Variants in ASAP1 observed in about 807,000 individuals in gnomAD.
The protein encoded by ASAP1 is ArfGAP with SH3 domain, ankyrin repeat and PH domain 1.
In ASAP1, 43 loss-of-function variants were observed where a neutral mutation model predicts 145.2. The observed-to-expected ratio is 0.30, with a 90% confidence interval of 0.23 to 0.38. ASAP1 has a LOEUF of 0.38. Among genes scored for constraint, ASAP1 ranks in the 10% least tolerant of loss-of-function variants. The pLI, the probability that ASAP1 is intolerant of heterozygous loss-of-function variation, is 1.00. For missense variants in ASAP1, 1,018 were observed against 1,355.3 expected (o/e 0.75, Z 3.91); for synonymous variants, 546 against 515.5 (o/e 1.06, Z -0.80).
At chr8:130,129,457 T>C (rs1368704510) in intron 15 of ASAP1, among the ~76,000 whole-genome samples, 2 of 152,220 alleles carry the variant, frequency 1.3e-5, no homozygotes, top group Non-Finnish European at 2.9e-5. Flanking sequence ...TGAACTTGTA[T>C]TACTTTCATG....
intron 4 of ASAP1, among the ~76,000 whole-genome samples, chr8:130,233,735 C>A (rs183887993): frequency 6.6e-5 from 10 of 152,254 alleles, no homozygotes; most frequent in African/African-American, 2.4e-4. Context: ...TAACATTTAT[C>A]TCTCCCCTAC....
intron 3 of ASAP1, among the ~76,000 whole-genome samples, chr8:130,260,884 C>G (rs1180739531): frequency 1.3e-5 from 2 of 152,196 alleles, no homozygotes; most frequent in Non-Finnish European, 2.9e-5. Context: ...CAGACATAAA[C>G]TATATTGTGG....
chr8:130,192,327 G>A (rs931656437), intron 5 of ASAP1, among the ~76,000 whole-genome samples: 17 of 148,398 alleles, frequency 1.1e-4, no homozygotes, highest in Admixed American at 6.8e-4. Flanking sequence ...AAAATTTCAC[G>A]GGGGGGAGCG....
intron 4 of ASAP1, 115 bp from the exon 5 acceptor site, chr8:130,214,816 T>G (rs1240003032): frequency 7.0e-6 from 6 of 855,970 alleles, no homozygotes; most frequent in Middle Eastern, 3.5e-4. Context: ...CTGTATCAAT[T>G]ATTTATTGCA....
At chr8:130,359,557 G>A (rs537343131) in intron 2 of ASAP1, among the ~76,000 whole-genome samples, 11 of 151,874 alleles carry the variant, frequency 7.2e-5, no homozygotes, top group African/African-American at 2.7e-4. Flanking sequence ...TGTCCTCTGC[G>A]ACACACACCC....
In ASAP1 at chr8:130,188,154, G is replaced by A. The variant is rs748495065; in HGVS notation, c.435C>T (p.Phe145=). 1 of 1,613,886 alleles carries A rather than the reference G, an allele frequency of 6.2e-7. No homozygotes were observed. The highest frequency in any genetic ancestry group is 8.5e-7 in the Non-Finnish European group (1 of 1,179,874). ...CTCCTTTTAACAAAGAATCCAAGGT[G>A]AAGATCACATTGTGGCTCAAACCCT... ...LLQGLSHNVI[F]TLDSLLKGDL... is the part of the protein sequence containing the mutation. Residue 145 remains phenylalanine (F), a synonymous_variant, in exon 6 of 30, where the codon TTC becomes TTT. Transcript: ENST00000518721.
chr8:130,330,586 C>CA (rs1197976907), intron 3 of ASAP1, among the ~76,000 whole-genome samples: 1 of 152,244 alleles, frequency 6.6e-6, no homozygotes, highest in Non-Finnish European at 1.5e-5. Context: ...ATGGCAGAAT[C>CA]ATGTTAAACT....
At chr8:130,285,501 C>G (rs1370271650) in intron 3 of ASAP1, among the ~76,000 whole-genome samples, 1 of 152,152 alleles carries the variant, frequency 6.6e-6, no homozygotes, top group East Asian at 1.9e-4. Flanking sequence ...TCATATTTAT[C>G]TATTCAGGAG....
intron 3 of ASAP1, among the ~76,000 whole-genome samples, chr8:130,287,340 G>A (rs1821678505): frequency 1.3e-5 from 2 of 152,132 alleles, no homozygotes; most frequent in African/African-American, 4.8e-5. Context: ...TTCAGATTAG[G>A]AAGAGCTTGA....
At chr8:130,124,140 A>G (rs570438224) in intron 17 of ASAP1, 36 bp from the exon 18 acceptor site, 1 of 1,414,320 alleles carries the variant, frequency 7.1e-7, no homozygotes, top group East Asian at 2.3e-5. Context: ...CAATATAGCA[A>G]ACTCTTTGCT....
rs146467066 is a variant in ASAP1 at position 130,054,493 on chromosome 8, G to T, written c.*238C>A. The T allele has an allele frequency of 3.2e-5, 14 of 436,846 alleles. 1 individual carries two copies. The highest frequency in any genetic ancestry group is 6.5e-4 in the Middle Eastern group (1 of 1,532). The allele number at this position is 436,846 out of a possible 1,614,324, so 27.1% of individuals were successfully genotyped here. A position where few individuals can be genotyped will look rare whatever the true frequency, so the allele number is the denominator to read the frequency against. ...ACAGCATAGAGAGATGTAAGTGCTA[G>T]ATGCCAAGGATGGCTTTGGCAAACC... is the stretch of plus-strand genomic sequence containing the variant. On this transcript the variant is annotated 3_prime_UTR_variant, in exon 30 of 30. Transcript: ENST00000518721.
At chr8:130,257,463 A>G (rs1020948761) in intron 3 of ASAP1, among the ~76,000 whole-genome samples, 1 of 152,192 alleles carries the variant, frequency 6.6e-6, no homozygotes, top group Non-Finnish European at 1.5e-5. Context: ...GTACTTCATA[A>G]AGAATATTTC....
intron 2 of ASAP1, chr8:130,361,704 C>G (rs1263381625): frequency 1.3e-6 from 2 of 1,535,654 alleles, no homozygotes; most frequent in South Asian, 2.4e-5. Context: ...AAATTTGAAA[C>G]CATGCCTCAG....
chr8:130,327,015 T>C (rs1824378776), intron 3 of ASAP1, among the ~76,000 whole-genome samples: 1 of 152,196 alleles, frequency 6.6e-6, no homozygotes, highest in African/African-American at 2.4e-5. Flanking sequence ...ACTGGATGAA[T>C]GCCCCCAGGA....
intron 3 of ASAP1, among the ~76,000 whole-genome samples, chr8:130,347,972 A>C (rs1825793002): frequency 6.6e-6 from 1 of 152,022 alleles, no homozygotes; most frequent in Admixed American, 6.5e-5. Flanking sequence ...ACAGCCTAAC[A>C]CACTTGGGGT....
intron 3 of ASAP1, among the ~76,000 whole-genome samples, chr8:130,351,397 T>C (rs1181978497): frequency 6.6e-6 from 1 of 152,240 alleles, no homozygotes; most frequent in Non-Finnish European, 1.5e-5. Flanking sequence ...AAGCTTTTAT[T>C]AGATGATAGG....
At chr8:130,276,724 ACACACTCTCT>A (rs1187799804) in intron 3 of ASAP1, among the ~76,000 whole-genome samples, 12 of 102,634 alleles carry the variant, frequency 1.2e-4, no homozygotes, top group Admixed American at 4.3e-4. Flanking sequence ...ACACACACAC[ACACACTCTCT>A]CTCTCTCTCT....
At chr8:130,235,536 T>C (rs554040414) in intron 4 of ASAP1, among the ~76,000 whole-genome samples, 10 of 152,214 alleles carry the variant, frequency 6.6e-5, no homozygotes, top group South Asian at 2.1e-4. Flanking sequence ...TGGGAGTTCA[T>C]TGAAATAAAA....
At chr8:130,255,961 G>C (rs539699591) in intron 3 of ASAP1, among the ~76,000 whole-genome samples, 67 of 152,240 alleles carry the variant, frequency 4.4e-4, no homozygotes, top group African/African-American at 1.4e-3. Flanking sequence ...CACACACACA[G>C]AACAGCTGGT....
Sources: allele counts gnomAD v4.1 joint callset (sites outside exome capture counted in the v4.1 genomes callset), GRCh38; gene constraint gnomAD v4.1.1; transcripts MANE v1.5; gene names NCBI Gene and HGNC (gene_info 2026-07-23, HGNC 2026-07-21).